Variants in ATP10B observed in about 807,000 individuals in gnomAD.
ATP10B encodes ATPase phospholipid transporting 10B (putative), also known as phospholipid-transporting ATPase VB.
ATP10B carries 122 observed loss-of-function variants against 141.2 expected under a neutral mutation model. The observed-to-expected ratio is 0.86, with a 90% CI of 0.75 to 1.00. The LOEUF (loss-of-function observed/expected upper bound fraction) is 1.00. ATP10B is among the 50% of genes least tolerant of loss of function. ATP10B has a pLI of 0.00. For missense variants in ATP10B, 1,876 were observed against 1,825.3 expected (o/e 1.03, Z -0.51); for synonymous variants, 685 against 692.0 (o/e 0.99, Z 0.16).
At chr5:160,646,968 T>C in intron 8 of ATP10B, among the ~76,000 whole-genome samples, 1 of 152,096 alleles carries the variant, frequency 6.6e-6, no homozygotes, top group South Asian at 2.1e-4. Flanking sequence ...CCCTACCCAG[T>C]GGATGCCAAC....
intron 2 of ATP10B, among the ~76,000 whole-genome samples, chr5:160,728,053 A>G (rs1766481352): frequency 6.6e-6 from 1 of 152,292 alleles, no homozygotes; most frequent in Non-Finnish European, 1.5e-5. Context: ...GAGATCAGTC[A>G]GCTCTCTACC....
intron 7 of ATP10B, among the ~76,000 whole-genome samples, chr5:160,652,913 GTA>G (rs1554100562): frequency 1.8e-5 from 1 of 56,944 alleles, no homozygotes; most frequent in African/African-American, 9.6e-5. Flanking sequence ...ATATATACAT[GTA>G]TATATAATAT....
Position 160,589,577 on chromosome 5 carries a change from C to A in ATP10B, c.3750+15G>T. 2 of 1,601,558 alleles carry A rather than the reference C, an allele frequency of 1.2e-6. No individual in the cohort carries two copies. Among genetic ancestry groups the A allele is most frequent in the Non-Finnish European group, 1.7e-6 (2 of 1,169,242 alleles). ...GAGCACAGTTTTGAAGCCAAAGGGG[C>A]TCTGGGACACTTACCCATGTCTTCA... On this transcript the variant is annotated intron_variant, in intron 24 of 25. Transcript: ENST00000327245.
At chr5:160,862,202 G>A in the ATP10B span, among the ~76,000 whole-genome samples, 3 of 151,952 alleles carry the variant, frequency 2.0e-5, no homozygotes, top group Non-Finnish European at 2.9e-5. Flanking sequence ...CCATGAAGGC[G>A]TTTTGTAGGT....
chr5:160,884,594 T>G, the ATP10B span, among the ~76,000 whole-genome samples: 1 of 152,092 alleles, frequency 6.6e-6, no homozygotes, highest in Admixed American at 6.6e-5. Context: ...CAGCTCAGAG[T>G]TTTAGGCAGG....
At chr5:160,913,978 T>C in the ATP10B span, among the ~76,000 whole-genome samples, 1 of 152,236 alleles carries the variant, frequency 6.6e-6, no homozygotes, top group African/African-American at 2.4e-5. Flanking sequence ...CCTTGCTTGA[T>C]GTGTCATAAA....
the ATP10B span, among the ~76,000 whole-genome samples, chr5:160,907,127 T>TAAAC: frequency 6.6e-6 from 1 of 152,144 alleles, no homozygotes. Flanking sequence ...ATCAAATCGT[T>TAAAC]TTCTGTAATT....
Position 160,649,147 on chromosome 5 carries a change from C to A in ATP10B, c.761+24G>T, listed in dbSNP as rs370876443. On this transcript the variant is annotated intron_variant, in intron 8 of 25. Transcript: ENST00000327245. ...TAGCTGCAGCGGAGATATTTACTAG[C>A]AGCATGGGACATGAGATACTTACAT... The A allele has an allele frequency of 7.4e-5, 113 of 1,535,140 alleles. No homozygotes were observed. The African/African-American group carries it at 1.2e-3, about 16-fold the overall frequency.
the ATP10B span, among the ~76,000 whole-genome samples, chr5:160,923,052 G>T: frequency 1.3e-5 from 2 of 152,256 alleles, no homozygotes; most frequent in Non-Finnish European, 2.9e-5. Context: ...CATCGATGAA[G>T]TGTCTTTCTG....
At chr5:160,750,925 C>G (rs1484255519) in intron 2 of ATP10B, among the ~76,000 whole-genome samples, 2 of 152,146 alleles carry the variant, frequency 1.3e-5, no homozygotes, top group African/African-American at 4.8e-5. Flanking sequence ...TTCACCTGCT[C>G]TCCCCTACAC....
At chr5:160,783,576 C>T (rs1273473481) in intron 2 of ATP10B, among the ~76,000 whole-genome samples, 1 of 128,646 alleles carries the variant, frequency 7.8e-6, no homozygotes, top group South Asian at 3.0e-4. Context: ...CACACACACA[C>T]ACACACACAC....
intron 1 of ATP10B, among the ~76,000 whole-genome samples, chr5:160,804,021 C>A (rs780652750): frequency 6.6e-6 from 1 of 151,844 alleles, no homozygotes; most frequent in Admixed American, 6.6e-5. Context: ...GTTACTGTGC[C>A]CTGATGTCCT....
intron 9 of ATP10B, among the ~76,000 whole-genome samples, chr5:160,641,900 G>T (rs984756812): frequency 6.6e-5 from 10 of 152,146 alleles, no homozygotes; most frequent in Non-Finnish European, 1.2e-4. Context: ...TTTAAAATTA[G>T]ACTCAAGTTG....
intron 3 of ATP10B, among the ~76,000 whole-genome samples, chr5:160,693,239 C>CA (rs1180212417): frequency 2.0e-5 from 3 of 151,866 alleles, no homozygotes; most frequent in Non-Finnish European, 4.4e-5. Flanking sequence ...GGACAATGGG[C>CA]AAAATCTGAA....
At chr5:160,854,578 G>A (rs1753950483), upstream of ATP10B, among the ~76,000 whole-genome samples, 1 of 152,074 alleles carries the variant, frequency 6.6e-6, no homozygotes, top group African/African-American at 2.4e-5. Context: ...ATCATTGATG[G>A]GCATTTAGGT....
intron 2 of ATP10B, among the ~76,000 whole-genome samples, chr5:160,750,528 T>A (rs1581461365): frequency 6.6e-6 from 1 of 152,168 alleles, no homozygotes; most frequent in Non-Finnish European, 1.5e-5. Context: ...CATTGCTTAA[T>A]CCCCACTGCT....
chr5:160,865,965 G>A, the ATP10B span, among the ~76,000 whole-genome samples: 11 of 152,238 alleles, frequency 7.2e-5, no homozygotes, highest in African/African-American at 2.4e-4. Context: ...ACCGATGGTG[G>A]GAACGTAAGC....
chr5:160,699,497 T>C (rs993269085), intron 3 of ATP10B, among the ~76,000 whole-genome samples: 10 of 152,180 alleles, frequency 6.6e-5, no homozygotes, highest in African/African-American at 2.2e-4. Context: ...GTCTGTGAGT[T>C]ACATACCAAT....
At chr5:160,792,589 C>T (rs1383098458) in intron 1 of ATP10B, among the ~76,000 whole-genome samples, 1 of 152,126 alleles carries the variant, frequency 6.6e-6, no homozygotes, top group Non-Finnish European at 1.5e-5. Flanking sequence ...CAGCAGTCAC[C>T]TTGGACCCAG....
Sources: gnomAD v4.1 joint callset for allele counts (sites outside exome capture counted in the v4.1 genomes callset) on GRCh38, gnomAD v4.1.1 for gene constraint, MANE v1.5 for transcripts, NCBI Gene and HGNC (gene_info 2026-07-23, HGNC 2026-07-21) for gene names.